Variants in WWOX observed in about 807,000 individuals in gnomAD.
WWOX encodes WW domain containing oxidoreductase.
Under a neutral mutation model 46.2 loss-of-function variants are expected in WWOX, and 69 were observed. That is an observed-to-expected ratio of 1.49 (90% CI 1.23 to 1.82). WWOX has a LOEUF of 1.82. Among genes scored for constraint, WWOX ranks in the 40% most tolerant of loss-of-function variants. The pLI, the probability that WWOX is intolerant of heterozygous loss-of-function variation, is 0.00. For synonymous variants in WWOX, 359 were observed against 202.6 expected, an observed-to-expected ratio of 1.77 and a Z score of -6.56; for missense variants, 919 against 542.6, an observed-to-expected ratio of 1.69 and a Z score of -6.89.
chr16:78,838,225 G>T (rs1191779273), intron 8 of WWOX, among the ~76,000 whole-genome samples: 2 of 152,066 alleles, frequency 1.3e-5, no homozygotes, highest in Non-Finnish European at 2.9e-5. Context: ...GGTACGTGGA[G>T]GGCTGTGCCT....
chr16:78,838,337 C>T (rs1222112057), intron 8 of WWOX, among the ~76,000 whole-genome samples: 2 of 152,276 alleles, frequency 1.3e-5, no homozygotes, highest in South Asian at 4.1e-4. Context: ...GAGCTGACTT[C>T]AGAGGAGGCT....
At chr16:78,386,697 A>T (rs2082068437) in intron 5 of WWOX, among the ~76,000 whole-genome samples, 163 bp from the exon 6 acceptor site, 1 of 143,700 alleles carries the variant, frequency 7.0e-6, no homozygotes, top group South Asian at 2.2e-4. Context: ...CTTGGCAGTA[A>T]AAGCCCTGTT....
chr16:78,740,463 G>C (rs983007685), intron 8 of WWOX, among the ~76,000 whole-genome samples: 4 of 152,156 alleles, frequency 2.6e-5, no homozygotes, highest in African/African-American at 7.2e-5. Flanking sequence ...GGGAGGGAAG[G>C]CAGCCTTGGA....
At chr16:78,856,260 G>C (rs960425631) in intron 8 of WWOX, among the ~76,000 whole-genome samples, 8 of 152,200 alleles carry the variant, frequency 5.3e-5, no homozygotes, top group Non-Finnish European at 1.0e-4. Flanking sequence ...CTTGCAACAG[G>C]CCTGGACGTT....
intron 8 of WWOX, among the ~76,000 whole-genome samples, chr16:78,703,640 T>G (rs1216507631): frequency 2.0e-5 from 3 of 151,900 alleles, no homozygotes; most frequent in African/African-American, 7.3e-5. Flanking sequence ...TTTTTGTTTG[T>G]TTGTTTGGTT....
At chr16:78,511,654 G>A (rs1000312977) in intron 8 of WWOX, among the ~76,000 whole-genome samples, 9 of 152,150 alleles carry the variant, frequency 5.9e-5, no homozygotes, top group African/African-American at 1.9e-4. Flanking sequence ...TATTGTAGGA[G>A]CTAAGTGTCA....
At chr16:78,774,497 T>TGTGG (rs1491524237) in intron 8 of WWOX, among the ~76,000 whole-genome samples, 1 of 12,824 alleles carries the variant, frequency 7.8e-5, no homozygotes, top group African/African-American at 2.4e-4. Flanking sequence ...AGACCCATTT[T>TGTGG]GTGTGTGTGT....
At chr16:78,373,046 A>G (rs550410649) in intron 5 of WWOX, among the ~76,000 whole-genome samples, 2 of 152,224 alleles carry the variant, frequency 1.3e-5, no homozygotes, top group South Asian at 4.1e-4. Context: ...TGACTTTTTC[A>G]ACTCTGTAAT....
chr16:78,299,176 C>T (rs1318650603), intron 5 of WWOX, among the ~76,000 whole-genome samples: 1 of 152,170 alleles, frequency 6.6e-6, no homozygotes, highest in Admixed American at 6.5e-5. Context: ...AAACTCTTGG[C>T]TAGAGGATTC....
At chr16:79,008,596 C>T (rs1045561494) in intron 8 of WWOX, among the ~76,000 whole-genome samples, 8 of 152,164 alleles carry the variant, frequency 5.3e-5, no homozygotes, top group African/African-American at 1.9e-4. Flanking sequence ...GAAACTGAGA[C>T]TTAGAAGCAT....
In WWOX at chr16:78,473,967, G is replaced by A. The variant is rs376995675; in HGVS notation, c.1056+41215G>A. On this transcript the variant is annotated intron_variant, in intron 8 of 8. Transcript: ENST00000566780. Reference sequence around the variant, plus strand: ...TAATTCCTTGGAGGAACTTCTGTTCGAAATGAATAGTCTTGAAATATGTCA... The same window carrying A: ...TAATTCCTTGGAGGAACTTCTGTTCAAAATGAATAGTCTTGAAATATGTCA... 4.4e-4 allele frequency among the ~76,000 whole-genome samples: 67 copies of A among 152,156 alleles called. 1 individual carries two copies. Among genetic ancestry groups the A allele is most frequent in the Non-Finnish European group, 8.7e-4 (59 of 68,044 alleles).
intron 5 of WWOX, among the ~76,000 whole-genome samples, chr16:78,199,170 G>A (rs138280643): frequency 9.9e-5 from 15 of 152,146 alleles, no homozygotes; most frequent in Non-Finnish European, 1.5e-4. Context: ...AAAATTAGCC[G>A]GGCATGGTGG....
At chr16:78,939,579 A>G (rs760031860) in intron 8 of WWOX, among the ~76,000 whole-genome samples, 3 of 152,232 alleles carry the variant, frequency 2.0e-5, no homozygotes, top group Non-Finnish European at 4.4e-5. Flanking sequence ...ATTTTTGTAT[A>G]TGGCTACTGA....
At chr16:79,088,534 A>G (rs551987467) in intron 8 of WWOX, among the ~76,000 whole-genome samples, 9 of 152,232 alleles carry the variant, frequency 5.9e-5, no homozygotes, top group African/African-American at 2.2e-4. Context: ...GGAGTCAGAA[A>G]AATGACAACA....
intron 8 of WWOX, among the ~76,000 whole-genome samples, chr16:78,588,207 C>T (rs2045265068): frequency 6.6e-6 from 1 of 152,136 alleles, no homozygotes. Context: ...AGGTGAAGCT[C>T]TTGAAATACT....
intron 8 of WWOX, among the ~76,000 whole-genome samples, chr16:78,487,868 G>C (rs576173696): frequency 2.6e-4 from 39 of 152,078 alleles, no homozygotes; most frequent in Non-Finnish European, 4.9e-4. Flanking sequence ...CTAGGATAGG[G>C]CATAAGGCAA....
At chr16:78,899,582 C>G (rs561983607) in intron 8 of WWOX, 8 of 152,268 alleles carry the variant, frequency 5.3e-5, no homozygotes, top group Non-Finnish European at 8.8e-5. Flanking sequence ...AACACTCATC[C>G]TGAACAACGG....
intron 5 of WWOX, among the ~76,000 whole-genome samples, chr16:78,364,085 A>G (rs571811787): frequency 6.6e-6 from 1 of 152,332 alleles, no homozygotes; most frequent in East Asian, 1.9e-4. Context: ...AGGTTCCTTC[A>G]GAGCTAGTGA....
intron 8 of WWOX, among the ~76,000 whole-genome samples, chr16:78,953,099 G>A (rs1356033062): frequency 6.6e-6 from 1 of 151,666 alleles, no homozygotes; most frequent in Non-Finnish European, 1.5e-5. Context: ...CAAATTGACT[G>A]TTAAATTCAA....
Sources: gnomAD v4.1 joint callset for allele counts (sites outside exome capture counted in the v4.1 genomes callset) on GRCh38, gnomAD v4.1.1 for gene constraint, MANE v1.5 for transcripts, NCBI Gene and HGNC (gene_info 2026-07-23, HGNC 2026-07-21) for gene names.